The following PCDHGB1 variants were observed in gnomAD, a reference collection of about 807,000 sequenced individuals.
The protein encoded by PCDHGB1 is protocadherin gamma subfamily B, 1.
A neutral mutation model predicts 56.6 loss-of-function variants in PCDHGB1; 34 were observed. The ratio of observed to expected loss-of-function variants is 0.60; its 90% CI spans 0.46 to 0.80. The LOEUF (loss-of-function observed/expected upper bound fraction) is 0.80, where lower values mean the gene tolerates loss of function less well. Ranked by LOEUF, PCDHGB1 falls within the 30% of genes least tolerant of loss-of-function variation. The probability of loss-of-function intolerance (pLI) is 0.00; values close to 1 mark genes in which losing one functional copy is unlikely to be tolerated. For synonymous variants in PCDHGB1, 561 were observed against 505.9 expected, an observed-to-expected ratio of 1.11 and a Z score of -1.46; for missense variants, 1,278 against 1,204.6, an observed-to-expected ratio of 1.06 and a Z score of -0.90.
intron 1 of PCDHGB1, among the ~76,000 whole-genome samples, chr5:141,463,618 T>G (rs2099065558): frequency 6.6e-6 from 1 of 151,792 alleles, no homozygotes; most frequent in African/African-American, 2.4e-5. Context: ...CCGGCTAATT[T>G]TTTGTATTTT....
In PCDHGB1 at chr5:141,355,301, C is replaced by T. The variant is rs1426106263; in HGVS notation, c.2409+2632C>T. On this transcript the variant is annotated intron_variant, in intron 1 of 3. Coordinates refer to ENST00000523390, the MANE Select transcript of PCDHGB1 (RefSeq NM_018922.3). ...ATCAGGGCCGAACAGATTCTCTACT[C>T]GGTGTTTGAGGAGCAGGAAGAAGGC... 1.9e-5 allele frequency: 31 copies of T among 1,613,786 alleles called. No homozygotes were observed. In the Admixed American group the frequency reaches 4.7e-4, roughly 24 times the overall value.
At chr5:141,428,184 C>A in intron 1 of PCDHGB1, 32 of 1,463,670 alleles carry the variant, frequency 2.2e-5, no homozygotes, top group Non-Finnish European at 3.0e-5. Context: ...GGAGGACAGC[C>A]GCCGCTCTCT....
Position 141,400,134 on chromosome 5 carries a change from G to A in PCDHGB1, c.2409+47465G>A, listed in dbSNP as rs373375631. The A allele has an allele frequency of 6.8e-6, 11 of 1,613,954 alleles. No homozygotes were observed. In the African/African-American group the frequency reaches 9.3e-5, roughly 14 times the overall value. Reference sequence around the variant, plus strand: ...CTGACAGCTTGCAGGAGGTGCTGCCGGATATCACTGACCGCCCTGTACCCT... The same window carrying A: ...CTGACAGCTTGCAGGAGGTGCTGCCAGATATCACTGACCGCCCTGTACCCT... On this transcript the variant is annotated intron_variant, in intron 1 of 3. Coordinates refer to ENST00000523390, the MANE Select transcript of PCDHGB1 (RefSeq NM_018922.3).
intron 1 of PCDHGB1, chr5:141,364,536 G>A (rs759992552): frequency 6.2e-7 from 1 of 1,614,006 alleles, no homozygotes; most frequent in Non-Finnish European, 8.5e-7. Context: ...ATCGTCTCCA[G>A]AGGTAGGACG....
Position 141,511,089 on chromosome 5 carries a change from C to T in PCDHGB1, c.2700C>T (p.Thr900=). The change falls in exon 4 of 4, where the codon ACC becomes ACT. Residue 900 remains threonine (T), a synonymous_variant. Transcript: ENST00000523390. ...TCCCAGGCAGCAATGCCACACTGAC[C>T]AACGCAGCTGGCAAGCGGGATGGCA... is the stretch of plus-strand genomic sequence containing the variant. ...VYIPGSNATL[T]NAAGKRDGKA... 1 of 1,614,212 alleles carries T rather than the reference C, an allele frequency of 6.2e-7. No individual in the cohort carries two copies. Among genetic ancestry groups the T allele is most frequent in the Non-Finnish European group, 8.5e-7 (1 of 1,180,026 alleles).
chr5:141,407,616 C>T (rs752226894), intron 1 of PCDHGB1, among the ~76,000 whole-genome samples: 3 of 151,970 alleles, frequency 2.0e-5, no homozygotes, highest in Non-Finnish European at 4.4e-5. Flanking sequence ...CATTGGTTGA[C>T]ATTCTATATC....
At chr5:141,385,542 A>T (rs3763123) in intron 1 of PCDHGB1, 69,535 of 1,326,660 alleles carry the variant, frequency 0.052, 2,028 homozygotes, top group African/African-American at 0.1. Flanking sequence ...GAATATGTGG[A>T]CTATCACATT....
chr5:141,374,721 C>T, intron 1 of PCDHGB1: 1 of 1,610,366 alleles, frequency 6.2e-7, no homozygotes, highest in Non-Finnish European at 8.5e-7. Context: ...CTGGTCCTTA[C>T]TGCCATGGAT....
At chr5:141,422,149 C>G in intron 1 of PCDHGB1, 1 of 1,577,238 alleles carries the variant, frequency 6.3e-7, no homozygotes. Context: ...ACGGGGGTCT[C>G]TGGATTTTGA....
At chr5:141,405,659 G>T (rs867774573) in intron 1 of PCDHGB1, among the ~76,000 whole-genome samples, 1 of 152,106 alleles carries the variant, frequency 6.6e-6, no homozygotes, top group East Asian at 1.9e-4. Flanking sequence ...TGTGTTTTTA[G>T]TAGAGACGGG....
Position 141,476,570 on chromosome 5 carries a change from A to G in PCDHGB1, c.2410-18237A>G. ...GATTAGCGAGGCCGTGGCTCCGGGG[A>G]CGCGCTTTCCGCTCGAGAGCGCGCA... On this transcript the variant is annotated intron_variant, in intron 1 of 3. Transcript: ENST00000523390. The surrounding 1 kb of genome is among the most constrained non-coding windows in gnomAD (Gnocchi z 7.6). 3 of 1,614,114 alleles carry G rather than the reference A, an allele frequency of 1.9e-6. No individual in the cohort carries two copies. The highest frequency in any genetic ancestry group is 2.5e-6 in the Non-Finnish European group (3 of 1,180,012).
chr5:141,372,703 T>C (rs1379730424), intron 1 of PCDHGB1: 1 of 1,614,012 alleles, frequency 6.2e-7, no homozygotes, highest in Non-Finnish European at 8.5e-7. Context: ...TTTCTCAATA[T>C]AAAGGCTGAA....
chr5:141,509,199 GTCTC>G (rs1017134758), intron 3 of PCDHGB1, among the ~76,000 whole-genome samples: 4 of 152,070 alleles, frequency 2.6e-5, no homozygotes, highest in Admixed American at 2.0e-4. Context: ...AATATTTCCT[GTCTC>G]TCTATTTCTC....
intron 1 of PCDHGB1, among the ~76,000 whole-genome samples, chr5:141,405,825 A>G (rs184785482): frequency 1.1e-3 from 172 of 152,272 alleles, no homozygotes; most frequent in Non-Finnish European, 1.9e-3. Context: ...TCTGTACTTA[A>G]GGTAGTATAA....
In PCDHGB1 at chr5:141,405,117, C is replaced by T. The variant is rs200108286; in HGVS notation, c.2409+52448C>T. On this transcript the variant is annotated intron_variant, in intron 1 of 3. Transcript: ENST00000523390. The stretch of plus-strand genomic sequence containing the variant: ...CTCAGGCTGAGGCACTGGCACTCCT[C>T]GCATCTGCTGCGGGCTACCAGTGAT... The T allele has an allele frequency of 5.6e-5, 90 of 1,613,980 alleles. No individual in the cohort carries two copies. In the East Asian group the frequency reaches 9.6e-4, roughly 17 times the overall value.
intron 1 of PCDHGB1, 150 bp downstream of exon 1, chr5:141,352,819 G>T (rs1164186338): frequency 2.5e-6 from 2 of 810,682 alleles, no homozygotes. Flanking sequence ...GTAAAACCCG[G>T]TCTACTAAAA....
At chr5:141,508,017 G>C (rs2099865601) in intron 3 of PCDHGB1, 1 of 152,310 alleles carries the variant, frequency 6.6e-6, no homozygotes, top group Non-Finnish European at 1.5e-5. Context: ...TCTCAAGGAG[G>C]CTGCGGTTTG....
In PCDHGB1 at chr5:141,372,495, G is replaced by A. The variant is rs770848334; in HGVS notation, c.2409+19826G>A. On this transcript the variant is annotated intron_variant, in intron 1 of 3. Transcript: ENST00000523390. The stretch of plus-strand genomic sequence containing the variant: ...AGTAGTGGCGTTGGCCTTGATCTCA[G>A]TGCTCTTCCTCCTCGCGGTGATTCT... 2.0e-5 allele frequency: 32 copies of A among 1,613,936 alleles called. No individual in the cohort carries two copies. Among genetic ancestry groups the A allele is most frequent in the Non-Finnish European group, 2.6e-5 (31 of 1,179,902 alleles).
intron 1 of PCDHGB1, chr5:141,360,281 A>G (rs1285317492): frequency 6.2e-7 from 1 of 1,613,728 alleles, no homozygotes; most frequent in Non-Finnish European, 8.5e-7. Context: ...GTCGTAGGAA[A>G]CCTCGCCAAG....
Sources: gnomAD v4.1 joint callset for allele counts (sites outside exome capture counted in the v4.1 genomes callset) on GRCh38, gnomAD v4.1.1 for gene constraint, Gnocchi (gnomAD v3.1) non-coding constraint, MANE v1.5 for transcripts, NCBI Gene and HGNC (gene_info 2026-07-23, HGNC 2026-07-21) for gene names.